Variants in MICALL2 observed in about 807,000 individuals in gnomAD.
MICALL2 encodes MICAL-like protein 2.
A neutral mutation model predicts 91.1 loss-of-function variants in MICALL2; 111 were observed. The ratio of observed to expected loss-of-function variants is 1.22; its 90% CI spans 1.04 to 1.43. MICALL2 has a LOEUF of 1.43. Among genes scored for constraint, MICALL2 ranks in the 40% most tolerant of loss-of-function variants. MICALL2 has a pLI of 0.00. For missense variants in MICALL2, 1,556 were observed against 1,236.0 expected (o/e 1.26, Z -3.88); for synonymous variants, 694 against 525.3 (o/e 1.32, Z -4.39).
intron 15 of MICALL2, 22 bp downstream of exon 15, chr7:1,436,720 G>C (rs1562444581): frequency 1.3e-6 from 2 of 1,580,042 alleles, no homozygotes; most frequent in Non-Finnish European, 1.7e-6. Flanking sequence ...GCTGGGAGGG[G>C]CCCCCGGCAC....
rs530818394 is a variant in MICALL2, at chr7:1,434,629, C to T, written c.2682G>A (p.Trp894Ter). 18 of 1,587,230 alleles carry T rather than the reference C, an allele frequency of 1.1e-5. No homozygotes were observed. The South Asian group carries it at 2.1e-4, about 18-fold the overall frequency. Residue 894 changes from tryptophan to a stop codon, truncating the protein, a stop_gained, in exon 17 of 17, where the codon TGG becomes TGA. Coordinates refer to ENST00000297508, the MANE Select transcript of MICALL2 (RefSeq NM_182924.4). LOFTEE classifies it low-confidence loss of function (END_TRUNC). ...AGGGGCTGCTTTTGCTTTTTGGTGA[C>T]CAGATCTTGGACAAGCGGAACTTGG... ...KKSKFRLSKI[W>*]SPKSKSSPSQ
At position 1,452,331 on chromosome 7, in the gene MICALL2, G is replaced by A. The variant is rs780548667; in HGVS notation, c.144-2043C>T. Among the ~76,000 whole-genome samples the A allele has an allele frequency of 1.5e-4, 23 of 152,014 alleles. No individual in the cohort carries two copies. The highest frequency in any genetic ancestry group is 1.2e-3 in the Admixed American group (19 of 15,272). On this transcript the variant is annotated intron_variant, in intron 1 of 16. Coordinates refer to ENST00000297508, the MANE Select transcript of MICALL2 (RefSeq NM_182924.4). The surrounding 1 kb of genome is among the most constrained non-coding windows in gnomAD (Gnocchi z 6.2). ...CTTGTCCCCCGAGAGGGTGTGACCCGAGGGCACGTGGGTGGCTGTCTATGC... is the reference window on the plus strand; with the variant it reads ...CTTGTCCCCCGAGAGGGTGTGACCCAAGGGCACGTGGGTGGCTGTCTATGC...
At position 1,440,107 on chromosome 7, in the gene MICALL2, G is replaced by A. The variant is rs751392623; in HGVS notation, c.1806-22C>T. On this transcript the variant is annotated intron_variant, in intron 8 of 16. Coordinates refer to ENST00000297508, the MANE Select transcript of MICALL2 (RefSeq NM_182924.4). ...AGTCCTGGGCAGAAGGCATGAGGTCGGAACCCGAACCACCAGCCCCAGGGC... is the reference window on the plus strand; with the variant it reads ...AGTCCTGGGCAGAAGGCATGAGGTCAGAACCCGAACCACCAGCCCCAGGGC... 56 of 1,573,222 alleles carry A rather than the reference G, an allele frequency of 3.6e-5. 1 individual carries two copies. Among genetic ancestry groups the A allele is most frequent in the South Asian group, 2.1e-4 (18 of 84,700 alleles).
At chr7:1,449,040 G>A (rs1780721588) in intron 2 of MICALL2, among the ~76,000 whole-genome samples, 1 of 152,282 alleles carries the variant, frequency 6.6e-6, no homozygotes, top group South Asian at 2.1e-4. Context: ...TTCACCGGGA[G>A]AATCCCAGGC....
rs781084622 is a variant in MICALL2, at chr7:1,448,642, G to A, written c.312C>T (p.Asn104=). Residue 104 remains asparagine, a synonymous_variant, in exon 3 of 17, where the codon AAC becomes AAT. Coordinates refer to ENST00000297508, the MANE Select transcript of MICALL2 (RefSeq NM_182924.4). ...SILTYVSQYY[N]YFHGRSPIGG... ...CACTGGGGGAGCGGCCGTGGAAGTA[G>A]TTGTAATACTGGGACACGTAGGTCA... The A allele has an allele frequency of 5.6e-6, 9 of 1,612,724 alleles. No homozygotes were observed. The South Asian group carries it at 9.9e-5, about 18-fold the overall frequency.
intron 16 of MICALL2, chr7:1,434,892 G>A (rs1779888641): frequency 1.4e-6 from 1 of 710,966 alleles, no homozygotes; most frequent in Non-Finnish European, 2.3e-6. Context: ...GTCACCAGCT[G>A]CCCCTGGCTC....
At chr7:1,447,908 G>A in intron 3 of MICALL2, 143 bp from the exon 4 acceptor site, 1 of 579,986 alleles carries the variant, frequency 1.7e-6, no homozygotes, top group East Asian at 3.3e-5. Flanking sequence ...GTAACCCTGA[G>A]GGCACTTTTT....
intron 7 of MICALL2, chr7:1,441,846 C>A: frequency 3.0e-6 from 1 of 334,202 alleles, no homozygotes; most frequent in East Asian, 6.8e-5. Flanking sequence ...ACAGGAGGCC[C>A]CACAGACCAC....
At chr7:1,443,681 G>C (rs370673672) in intron 6 of MICALL2, among the ~76,000 whole-genome samples, 4 of 152,316 alleles carry the variant, frequency 2.6e-5, no homozygotes, top group South Asian at 4.1e-4. Flanking sequence ...GCAGAGACTG[G>C]AGGGAGGCGA....
At chr7:1,442,587 C>G (rs1780355219) in intron 6 of MICALL2, 103 bp from the exon 7 acceptor site, 1 of 1,187,886 alleles carries the variant, frequency 8.4e-7, no homozygotes, top group African/African-American at 1.6e-5. Context: ...TCCCAATGCC[C>G]AGCCTCCGGA....
chr7:1,459,199 T>C lies in MICALL2; in HGVS notation c.128A>G (p.His43Arg), dbSNP rs749863896. 6.2e-7 allele frequency: 1 copy of C among 1,610,030 alleles called. No individual in the cohort carries two copies. Among genetic ancestry groups the C allele is most frequent in the Non-Finnish European group, 8.5e-7 (1 of 1,178,572 alleles). ...GLAFCAILHR[H>R]RPDLINFSAL... ...CAGGACTTACATGAGGTCGGGCCGG[T>C]GGCGGTGCAGGATGGCGCAGAAAGC... Residue 43 changes from histidine to arginine, a missense_variant, in exon 1 of 17, where the codon CAC (histidine) becomes CGC (arginine). By Grantham distance (29) the His-to-Arg change is conservative. Transcript: ENST00000297508.
intron 1 of MICALL2, among the ~76,000 whole-genome samples, chr7:1,455,886 G>A (rs1336404932): frequency 2.0e-5 from 3 of 152,024 alleles, no homozygotes; most frequent in South Asian, 2.1e-4. Flanking sequence ...GGGGAATGAG[G>A]TGGCAAGGGC....
intron 13 of MICALL2, 101 bp from the exon 14 acceptor site, chr7:1,437,709 A>G: frequency 7.9e-7 from 1 of 1,264,028 alleles, no homozygotes; most frequent in Non-Finnish European, 1.1e-6. Context: ...CACAGACACG[A>G]GTCTGAGGCC....
chr7:1,436,358 G>A (rs1332662572), intron 15 of MICALL2, among the ~76,000 whole-genome samples: 1 of 151,540 alleles, frequency 6.6e-6, no homozygotes, highest in Non-Finnish European at 1.5e-5. Context: ...CTCCAGCCTG[G>A]GCAACAGGAG....
In MICALL2 at chr7:1,445,326, T is replaced by C. The variant is rs765450658; in HGVS notation, c.744A>G (p.Ala248=). 26 of 1,609,940 alleles carry C rather than the reference T, an allele frequency of 1.6e-5. No individual in the cohort carries two copies. Among genetic ancestry groups the C allele is most frequent in the Admixed American group, 5.0e-5 (3 of 59,906 alleles). ...GGACCAGACCCGTCAACTTGGGGCT[T>C]GCAGAGGCGGCTGCGGGGAGGTGGC... The part of the protein sequence containing the change: ...CTSHLPAAAS[A]SPKLTGLVPR... Residue 248 remains alanine (A), a synonymous_variant, in exon 6 of 17, where the codon GCA becomes GCG. Transcript: ENST00000297508.
chr7:1,445,466 C>G lies in MICALL2; in HGVS notation c.642-38G>C, dbSNP rs370546679. 7.7e-5 allele frequency: 112 copies of G among 1,449,710 alleles called. 2 individuals carry two copies. In the African/African-American group the frequency reaches 1.4e-3, roughly 19 times the overall value. 89.8% of individuals were successfully genotyped at this position (1,449,710 alleles called of 1,614,324 possible). ...AGGCACAGGAGCCCCAGCTCGGCAC[C>G]GCCCACCCCGCCACGCATTCACCAC... On this transcript the variant is annotated intron_variant, in intron 5 of 16. Coordinates refer to ENST00000297508, the MANE Select transcript of MICALL2 (RefSeq NM_182924.4).
chr7:1,457,094 G>A (rs1440164311), intron 1 of MICALL2, among the ~76,000 whole-genome samples: 1 of 152,172 alleles, frequency 6.6e-6, no homozygotes, highest in Non-Finnish European at 1.5e-5. Context: ...GGACACCCTT[G>A]GCTTGTGGCT....
chr7:1,453,860 G>C (rs1043908855), intron 1 of MICALL2, among the ~76,000 whole-genome samples: 2 of 152,200 alleles, frequency 1.3e-5, no homozygotes, highest in Non-Finnish European at 2.9e-5. Context: ...CATTTGTTCT[G>C]TGCTTGGTGA....
intron 1 of MICALL2, among the ~76,000 whole-genome samples, chr7:1,458,281 C>CA (rs1781091577): frequency 6.6e-6 from 1 of 152,230 alleles, no homozygotes. Flanking sequence ...TGCGGCCTGA[C>CA]AGAGGCCCCA....
Sources: allele counts gnomAD v4.1 joint callset (sites outside exome capture counted in the v4.1 genomes callset), GRCh38; gene constraint gnomAD v4.1.1; non-coding constraint Gnocchi (gnomAD v3.1); transcripts MANE v1.5; gene names NCBI Gene and HGNC (gene_info 2026-07-23, HGNC 2026-07-21).